The following KEL variants were observed in gnomAD, a reference collection of about 807,000 sequenced individuals.
KEL encodes kell blood group glycoprotein.
KEL carries 96 observed loss-of-function variants against 99.5 expected under a neutral mutation model. That is an observed-to-expected ratio of 0.97 (90% CI 0.82 to 1.14). The LOEUF (loss-of-function observed/expected upper bound fraction) is 1.14, where lower values mean the gene tolerates loss of function less well. KEL is among the 50% of genes most tolerant of loss of function. The pLI is 0.00. For missense variants in KEL, 926 were observed against 924.2 expected (o/e 1.00, Z -0.03); for synonymous variants, 355 against 354.8 (o/e 1.00, Z -0.01).
intron 9 of KEL, chr7:142,953,281 T>A: frequency 1.2e-6 from 1 of 846,978 alleles, no homozygotes; most frequent in Non-Finnish European, 1.4e-6. Flanking sequence ...CCAGCAGAAA[T>A]GCTCTTAGAC....
At chr7:142,954,020 C>G in intron 8 of KEL, 64 bp from the exon 9 acceptor site, 1 of 1,596,676 alleles carries the variant, frequency 6.3e-7, no homozygotes, top group South Asian at 1.1e-5. Context: ...AAGGGCTTCC[C>G]CTTGGGTGTG....
At chr7:142,943,410 G>C in intron 15 of KEL, 67 bp from the exon 16 acceptor site, 3 of 1,606,386 alleles carry the variant, frequency 1.9e-6, no homozygotes, top group Non-Finnish European at 2.6e-6. Flanking sequence ...TTCTCCAACC[G>C]TAAGTCCCAT....
intron 10 of KEL, chr7:142,946,613 G>T: frequency 2.2e-6 from 1 of 458,426 alleles, no homozygotes; most frequent in South Asian, 2.8e-5. Flanking sequence ...AGCCTCCTGG[G>T]AAGAAGATGA....
In KEL at chr7:142,944,630, C is replaced by T. The variant is rs758787412; in HGVS notation, c.1413+13G>A. On this transcript the variant is annotated intron_variant, in intron 12 of 18. Transcript: ENST00000355265. Reference sequence around the variant, plus strand: ...GCACAGGCTCCCACACCAGCCAGGACGCCTGGCCTGACCTTGTCCTGGGCC... The same window carrying T: ...GCACAGGCTCCCACACCAGCCAGGATGCCTGGCCTGACCTTGTCCTGGGCC... The T allele has an allele frequency of 4.4e-6, 7 of 1,598,552 alleles. No homozygotes were observed. Among genetic ancestry groups the T allele is most frequent in the African/African-American group, 1.3e-5 (1 of 74,752 alleles).
At chr7:142,955,001 C>T (rs1026173972) in intron 6 of KEL, among the ~76,000 whole-genome samples, 7 of 152,176 alleles carry the variant, frequency 4.6e-5, no homozygotes, top group African/African-American at 1.7e-4. Flanking sequence ...GTGATCAGAC[C>T]ATGCCCATTA....
Position 142,954,180 on chromosome 7 carries a change from G to C in KEL, c.924+4C>G. On this transcript the variant is annotated splice_donor_region_variant and intron_variant, in intron 8 of 18. Transcript: ENST00000355265. ...ACAGTCTTCTGGCCCCCAGTTCCAG[G>C]CACCTTGAGCTGGTCGATAGTGACC... The C allele has an allele frequency of 6.2e-7, 1 of 1,607,986 alleles. No homozygotes were observed. The highest frequency in any genetic ancestry group is 1.1e-5 in the South Asian group (1 of 91,052).
chr7:142,942,874 C>A lies in KEL; in HGVS notation c.1941+1G>T, dbSNP rs750172557. The A allele has an allele frequency of 1.9e-6, 3 of 1,614,064 alleles. No individual in the cohort carries two copies. Among genetic ancestry groups the A allele is most frequent in the South Asian group, 1.1e-5 (1 of 91,086 alleles). ...AACTGTGGCCCTTGACACTTGCATACCTGCAGCGCGATGGCTAGCCCCCCA... is the reference window on the plus strand; with the variant it reads ...AACTGTGGCCCTTGACACTTGCATAACTGCAGCGCGATGGCTAGCCCCCCA... On this transcript the variant is annotated splice_donor_variant, in intron 17 of 18. Transcript: ENST00000355265. LOFTEE classifies it high-confidence loss of function.
At chr7:142,958,155 C>A in intron 5 of KEL, 149 bp downstream of exon 5, 2 of 1,313,966 alleles carry the variant, frequency 1.5e-6, no homozygotes, top group South Asian at 1.2e-5. Flanking sequence ...TTTCATAGGG[C>A]ATAACCATTT....
chr7:142,941,146 T>C lies in KEL; in HGVS notation c.*106A>G. On this transcript the variant is annotated 3_prime_UTR_variant, in exon 19 of 19. Transcript: ENST00000355265. ...ACAAGCGGAAGCCAAGTGCCAGCTT[T>C]TATTTTTGGAACAGAAGCAGAAAGG... The C allele has an allele frequency of 7.6e-7, 1 of 1,315,136 alleles. No individual in the cohort carries two copies. The highest frequency in any genetic ancestry group is 1.1e-6 in the Non-Finnish European group (1 of 916,032). The allele number at this position is 1,315,136 out of a possible 1,614,324, so 81.5% of individuals were successfully genotyped here.
Position 142,960,803 on chromosome 7 carries a change from A to G in KEL, c.400+125T>C, listed in dbSNP as rs550609418. The G allele has an allele frequency of 1.7e-4, 174 of 1,026,020 alleles. 1 individual carries two copies. Among genetic ancestry groups the G allele is most frequent in the Non-Finnish European group, 2.6e-4 (165 of 643,604 alleles). The allele number at this position is 1,026,020 out of a possible 1,614,324, so 63.6% of individuals were successfully genotyped here. ...CCATCATCTCCAATCATCCACCCGT[A>G]TAATCCCACCTGGGATGGTGCAAAT... On this transcript the variant is annotated intron_variant, in intron 4 of 18. Transcript: ENST00000355265.
chr7:142,943,968 C>T (rs181214472), intron 13 of KEL, 85 bp from the exon 14 acceptor site: 3 of 1,141,644 alleles, frequency 2.6e-6, no homozygotes, highest in East Asian at 2.5e-5. Context: ...CATTTGACCC[C>T]AAACAGGCAA....
chr7:142,961,654 C>A lies in KEL; in HGVS notation c.81+141G>T, dbSNP rs1796962452. 28 of 1,294,962 alleles carry A rather than the reference C, an allele frequency of 2.2e-5. No individual in the cohort carries two copies. The East Asian group carries it at 6.2e-4, about 29-fold the overall frequency. 80.2% of individuals were successfully genotyped at this position (1,294,962 alleles called of 1,614,324 possible). ...TCCTAAACCCAGCCCTACTTTAACT[C>A]CTGGGAGATGAGAAAACAAGGAATG... On this transcript the variant is annotated intron_variant, in intron 2 of 18. Transcript: ENST00000355265.
At chr7:142,958,465 AT>A (rs752441304) in intron 4 of KEL, 37 bp from the exon 5 acceptor site, 13 of 1,607,612 alleles carry the variant, frequency 8.1e-6, no homozygotes, top group Middle Eastern at 2.0e-4. Flanking sequence ...CTAAACTCTG[AT>A]TTTTTTTATC....
Position 142,962,285 on chromosome 7 carries a change from A to AC in KEL, c.-80dup, listed in dbSNP as rs1562966302. The AC allele has an allele frequency of 1.3e-5, 19 of 1,517,320 alleles. No individual in the cohort carries two copies. The Admixed American group carries it at 1.5e-4, about 12-fold the overall frequency. The allele number at this position is 1,517,320 out of a possible 1,614,324, so 94.0% of individuals were successfully genotyped here. A position where few individuals can be genotyped will look rare whatever the true frequency, so the allele number is the denominator to read the frequency against. ...TTCGGAGGACTGGGGTCCAGGAAAC[A>AC]CCCCCCGCCCCAGTTCCTTGATCCT... On this transcript the variant is annotated 5_prime_UTR_variant, in exon 1 of 19. Coordinates refer to ENST00000355265, the MANE Select transcript of KEL (RefSeq NM_000420.3).
intron 12 of KEL, 39 bp from the exon 13 acceptor site, chr7:142,944,439 A>G (rs1796457569): frequency 6.6e-7 from 1 of 1,522,542 alleles, no homozygotes; most frequent in Non-Finnish European, 9.1e-7. Context: ...ATACTCTCCG[A>G]GTCTACCAGA....
At chr7:142,942,568 G>A (rs1330785277) in intron 17 of KEL, 39 bp from the exon 18 acceptor site, 1 of 1,465,314 alleles carries the variant, frequency 6.8e-7, no homozygotes, top group Non-Finnish European at 9.4e-7. Flanking sequence ...TCAGGCTCTA[G>A]ACCTGTGGCC....
chr7:142,949,071 T>C (rs1396953322), intron 10 of KEL, among the ~76,000 whole-genome samples: 1 of 152,200 alleles, frequency 6.6e-6, no homozygotes, highest in African/African-American at 2.4e-5. Context: ...ATCCTACCAC[T>C]GAATAGAGTA....
chr7:142,962,114 C>G (rs760409929), intron 1 of KEL, 90 bp downstream of exon 1: 8 of 1,613,904 alleles, frequency 5.0e-6, no homozygotes, highest in Non-Finnish European at 6.8e-6. Context: ...GTAAGCCTTA[C>G]ATTCCCTCCC....
At position 142,961,492 on chromosome 7, in the gene KEL, C is replaced by G; in HGVS notation, c.91G>C (p.Glu31Gln). 4 of 1,596,146 alleles carry G rather than the reference C, an allele frequency of 2.5e-6. No individual in the cohort carries two copies. In the African/African-American group the frequency reaches 5.4e-5, roughly 21 times the overall value. The change falls in exon 3 of 19, where the codon GAA becomes CAA. Residue 31 changes from glutamate to glutamine, a missense_variant. Transcript: ENST00000355265. ...GTLWSQESTP[E>Q]ERLPVEGSRP... ...CTCCCTTCCACGGGCAGCCTCTCTTCTGGAGTGCTCTGTGGGAGGAACCAA... is the reference window on the plus strand; with the variant it reads ...CTCCCTTCCACGGGCAGCCTCTCTTGTGGAGTGCTCTGTGGGAGGAACCAA...
Sources: allele counts gnomAD v4.1 joint callset (sites outside exome capture counted in the v4.1 genomes callset), GRCh38; gene constraint gnomAD v4.1.1; transcripts MANE v1.5; gene names NCBI Gene and HGNC (gene_info 2026-07-23, HGNC 2026-07-21).